The following COL27A1 variants were observed in gnomAD, a reference collection of about 807,000 sequenced individuals.
COL27A1 encodes the protein collagen type XXVII alpha 1 chain, also known as collagen alpha-1(XXVII) chain.
A neutral mutation model predicts 251.3 loss-of-function variants in COL27A1; 106 were observed. The ratio of observed to expected loss-of-function variants is 0.42; its 90% CI spans 0.36 to 0.50. The LOEUF is 0.50. Among genes scored for constraint, COL27A1 ranks in the 20% least tolerant of loss-of-function variants. The probability of loss-of-function intolerance (pLI) is 0.00; values close to 1 mark genes in which losing one functional copy is unlikely to be tolerated. For missense variants in COL27A1, 2,325 were observed against 2,522.8 expected (o/e 0.92, Z 1.68); for synonymous variants, 1,000 against 986.3 (o/e 1.01, Z -0.26).
intron 24 of COL27A1, among the ~76,000 whole-genome samples, chr9:114,249,384 G>T (rs1004790391): frequency 6.6e-6 from 1 of 152,172 alleles, no homozygotes; most frequent in Non-Finnish European, 1.5e-5. Flanking sequence ...GGAACCAGGG[G>T]CAGGTGCAGG....
intron 23 of COL27A1, among the ~76,000 whole-genome samples, chr9:114,243,925 ATTT>A (rs397894289): frequency 2.5e-5 from 2 of 78,722 alleles, no homozygotes; most frequent in Non-Finnish European, 5.0e-5. Context: ...TTTTTCTTTC[ATTT>A]TTTTTTTTTT....
At chr9:114,186,010 G>A (rs930263396) in intron 5 of COL27A1, among the ~76,000 whole-genome samples, 2 of 152,212 alleles carry the variant, frequency 1.3e-5, no homozygotes, top group African/African-American at 2.4e-5. Flanking sequence ...TGAAAGTTCA[G>A]GAGGCCAAGG....
At position 114,282,455 on chromosome 9, in the gene COL27A1, A is replaced by G; in HGVS notation, c.3772-2A>G. 1 of 1,605,490 alleles carries G rather than the reference A, an allele frequency of 6.2e-7. No homozygotes were observed. On this transcript the variant is annotated splice_acceptor_variant, in intron 38 of 60. Transcript: ENST00000356083. LOFTEE classifies it high-confidence loss of function. ...GACAGCTTGTCTTTCCTCCTGTTGC[A>G]GGGTGCCAAGGGCTATCAAGGACAG...
intron 6 of COL27A1, among the ~76,000 whole-genome samples, chr9:114,194,762 G>A (rs1277849330): frequency 6.6e-6 from 1 of 152,202 alleles, no homozygotes; most frequent in Non-Finnish European, 1.5e-5. Flanking sequence ...GTCCTGCATG[G>A]CTTTCTGCGG....
At chr9:114,162,160 C>G (rs1848538641) in intron 1 of COL27A1, among the ~76,000 whole-genome samples, 1 of 152,242 alleles carries the variant, frequency 6.6e-6, no homozygotes, top group Admixed American at 6.5e-5. Flanking sequence ...CTTCACACAG[C>G]ACTGGTTCTG....
chr9:114,219,750 A>C (rs754406798), intron 12 of COL27A1, 41 bp from the exon 13 acceptor site: 13 of 1,454,738 alleles, frequency 8.9e-6, no homozygotes, highest in East Asian at 2.3e-5. Context: ...GAAGGTGACA[A>C]CACTAACCTA....
intron 7 of COL27A1, among the ~76,000 whole-genome samples, chr9:114,204,142 A>G (rs1019976857): frequency 2.6e-5 from 4 of 152,176 alleles, no homozygotes; most frequent in African/African-American, 4.8e-5. Flanking sequence ...CTAAAACATC[A>G]TAGCTGAAGA....
chr9:114,207,375 G>C (rs986404107), intron 10 of COL27A1, among the ~76,000 whole-genome samples: 1 of 152,160 alleles, frequency 6.6e-6, no homozygotes, highest in African/African-American at 2.4e-5. Context: ...TTGTCCCAGG[G>C]TGCTGTGCCT....
chr9:114,179,920 C>G (rs1236581681), intron 4 of COL27A1, among the ~76,000 whole-genome samples: 1 of 149,828 alleles, frequency 6.7e-6, no homozygotes, highest in Non-Finnish European at 1.5e-5. Flanking sequence ...CTCACTGCAG[C>G]CTCCACCTCC....
chr9:114,222,388 A>C, intron 14 of COL27A1, 121 bp downstream of exon 14: 2 of 575,444 alleles, frequency 3.5e-6, no homozygotes, highest in Non-Finnish European at 4.9e-6. Flanking sequence ...CTCTCATCAA[A>C]CCCCCAGAGG....
chr9:114,230,925 C>T (rs1290738652), intron 14 of COL27A1, among the ~76,000 whole-genome samples, 154 bp from the exon 15 acceptor site: 1 of 152,208 alleles, frequency 6.6e-6, no homozygotes, highest in African/African-American at 2.4e-5. Context: ...GTGAAGGTCT[C>T]TGGATGAAGA....
chr9:114,290,801 TC>T lies in COL27A1; in HGVS notation c.4369-8del. ...ACAAGAGACCCTCCTCTGCCTGCTTTCTTAACAGGGGGAGCAGGGAGACGAT... is the reference window on the plus strand; with the variant it reads ...ACAAGAGACCCTCCTCTGCCTGCTTTTTAACAGGGGGAGCAGGGAGACGAT... On this transcript the variant is annotated splice_polypyrimidine_tract_variant and splice_region_variant and intron_variant, in intron 47 of 60. Transcript: ENST00000356083. This position sits in a 1 kb window ranked among gnomAD's most constrained non-coding sequence, Gnocchi z 4.6. 1 of 1,539,736 alleles carries T rather than the reference TC, an allele frequency of 6.5e-7. No homozygotes were observed. The highest frequency in any genetic ancestry group is 1.2e-5 in the South Asian group (1 of 83,266).
At position 114,301,450 on chromosome 9, in the gene COL27A1, G is replaced by A; in HGVS notation, c.4797G>A (p.Leu1599=). The A allele has an allele frequency of 6.2e-7, 1 of 1,606,790 alleles. No homozygotes were observed. The change falls in exon 54 of 61, where the codon TTG becomes TTA. Residue 1599 remains leucine (L), a synonymous_variant. Coordinates refer to ENST00000356083, the MANE Select transcript of COL27A1 (RefSeq NM_032888.4). ...CTGCTTCTGTCTCCCTCCAGGGATT[G>A]CAAGGTCCGAGGGTGAGTGGGCTGG... ...GDKGSRGDWG[L]QGPRGPPGPR...
At chr9:114,211,945 G>A (rs1199031774) in intron 12 of COL27A1, among the ~76,000 whole-genome samples, 2 of 152,186 alleles carry the variant, frequency 1.3e-5, no homozygotes, top group African/African-American at 4.8e-5. Context: ...TCCCATCGCT[G>A]GTGGTTGGTG....
chr9:114,197,024 TC>T (rs1180596638), intron 7 of COL27A1, among the ~76,000 whole-genome samples: 2 of 152,188 alleles, frequency 1.3e-5, no homozygotes, highest in African/African-American at 4.8e-5. Context: ...TTATTGCTCT[TC>T]CTACTGAGCC....
intron 60 of COL27A1, 148 bp from the exon 61 acceptor site, chr9:114,310,401 G>A: frequency 6.6e-6 from 5 of 756,746 alleles, no homozygotes; most frequent in South Asian, 3.5e-5. Flanking sequence ...AAGAGTGGAA[G>A]CAATCTAAAT....
At chr9:114,193,945 G>A (rs966964942) in intron 5 of COL27A1, among the ~76,000 whole-genome samples, 1 of 152,126 alleles carries the variant, frequency 6.6e-6, no homozygotes, top group Non-Finnish European at 1.5e-5. Context: ...TTCCAGCTGT[G>A]AACTGAAGAA....
chr9:114,254,594 G>A (rs535989691), intron 27 of COL27A1, among the ~76,000 whole-genome samples: 249 of 152,260 alleles, frequency 1.6e-3, no homozygotes, highest in Middle Eastern at 6.8e-3. Context: ...GCTGAGGGGC[G>A]ATGAGCTCAG....
intron 1 of COL27A1, 53 bp from the exon 2 acceptor site, chr9:114,162,662 G>A (rs577094720): frequency 1.5e-6 from 2 of 1,339,296 alleles, no homozygotes; most frequent in East Asian, 2.3e-5. Context: ...GCCGGATCCG[G>A]GTGTGAGGGG....
Sources: gnomAD v4.1 joint callset for allele counts (sites outside exome capture counted in the v4.1 genomes callset) on GRCh38, gnomAD v4.1.1 for gene constraint, Gnocchi (gnomAD v3.1) non-coding constraint, MANE v1.5 for transcripts, NCBI Gene and HGNC (gene_info 2026-07-23, HGNC 2026-07-21) for gene names.